Variants in SLC20A2 observed in about 807,000 individuals in gnomAD.
SLC20A2 encodes sodium-dependent phosphate transporter 2.
In SLC20A2, 30 loss-of-function variants were observed where a neutral mutation model predicts 61.0. That is an observed-to-expected ratio of 0.49 (90% CI 0.37 to 0.67). SLC20A2 has a LOEUF of 0.67. Ranked by LOEUF, SLC20A2 falls within the 30% of genes least tolerant of loss-of-function variation. The pLI is 0.00. For missense variants in SLC20A2, 626 were observed against 866.4 expected (o/e 0.72, Z 3.48); for synonymous variants, 351 against 353.3 (o/e 0.99, Z 0.07).
At chr8:42,455,533 C>T (rs902318998) in intron 5 of SLC20A2, among the ~76,000 whole-genome samples, 2 of 150,836 alleles carry the variant, frequency 1.3e-5, no homozygotes, top group African/African-American at 4.9e-5. Context: ...GGTGGTGGGC[C>T]CCTGTAGTCC....
At chr8:42,533,658 T>TTTTCTTTTC (rs1206910958) in intron 1 of SLC20A2, among the ~76,000 whole-genome samples, 1 of 119,130 alleles carries the variant, frequency 8.4e-6, no homozygotes, top group African/African-American at 3.2e-5. Context: ...ACTGTTCTTT[T>TTTTCTTTTC]TTTTTTTTTT....
At chr8:42,485,882 G>C (rs909382256) in intron 1 of SLC20A2, among the ~76,000 whole-genome samples, 9 of 151,298 alleles carry the variant, frequency 5.9e-5, no homozygotes, top group African/African-American at 2.2e-4. Context: ...GGAGGCGGAG[G>C]TTGCAGTGAG....
intron 1 of SLC20A2, chr8:42,484,879 A>T: frequency 2.5e-6 from 1 of 397,652 alleles, no homozygotes; most frequent in Admixed American, 2.7e-5. Context: ...GCAGCCACTG[A>T]GCATCTCGGC....
upstream of SLC20A2, among the ~76,000 whole-genome samples, chr8:42,505,109 CT>C (rs11295337): frequency 0.94 from 133,626 of 142,748 alleles, 62,592 homozygotes; most frequent in East Asian, 1. Flanking sequence ...CCCCCCCAAC[CT>C]TTTTTTTTTT....
chr8:42,418,984 G>C (rs1051019187), intron 10 of SLC20A2, among the ~76,000 whole-genome samples: 3 of 145,722 alleles, frequency 2.1e-5, no homozygotes, highest in Non-Finnish European at 4.5e-5. Flanking sequence ...ACTCCAACCT[G>C]GGCGACAGAG....
chr8:42,430,672 T>C (rs960047144), intron 8 of SLC20A2, among the ~76,000 whole-genome samples: 3 of 152,174 alleles, frequency 2.0e-5, no homozygotes, highest in African/African-American at 7.2e-5. Flanking sequence ...TCAGATAGGA[T>C]GTTTTTTATG....
At chr8:42,494,229 T>A (rs115441723) in intron 1 of SLC20A2, among the ~76,000 whole-genome samples, 2,180 of 152,294 alleles carry the variant, frequency 0.014, 45 homozygotes, top group African/African-American at 0.049. Flanking sequence ...GGCCCAGTAC[T>A]GCAAAATAAC....
intron 1 of SLC20A2, among the ~76,000 whole-genome samples, chr8:42,476,273 A>C (rs1419488983): frequency 6.6e-6 from 1 of 150,540 alleles, no homozygotes; most frequent in African/African-American, 2.4e-5. Context: ...TATTTTTTTA[A>C]ATTTTATTTT....
intron 1 of SLC20A2, among the ~76,000 whole-genome samples, chr8:42,486,124 T>C (rs1019003106): frequency 2.1e-5 from 3 of 143,840 alleles, no homozygotes; most frequent in Admixed American, 7.0e-5. Context: ...TAATTATCTT[T>C]AGCAGAGCTC....
intron 1 of SLC20A2, among the ~76,000 whole-genome samples, chr8:42,530,050 CTGA>C: frequency 6.6e-6 from 1 of 152,120 alleles, no homozygotes; most frequent in African/African-American, 2.4e-5. Context: ...AAATCACAAT[CTGA>C]TGGACAAGTT....
At chr8:42,418,490 G>A (rs538690447) in intron 10 of SLC20A2, among the ~76,000 whole-genome samples, 3 of 151,712 alleles carry the variant, frequency 2.0e-5, no homozygotes, top group South Asian at 4.2e-4. Flanking sequence ...AGGTTCAAGC[G>A]ATTCTCCTGT....
intron 1 of SLC20A2, among the ~76,000 whole-genome samples, chr8:42,540,197 A>G (rs1813002293): frequency 6.6e-6 from 1 of 152,120 alleles, no homozygotes; most frequent in African/African-American, 2.4e-5. Flanking sequence ...GAGGCTAAGG[A>G]AGGAGAATCG....
At chr8:42,461,145 C>A (rs2131164551) in intron 4 of SLC20A2, among the ~76,000 whole-genome samples, 2 of 152,268 alleles carry the variant, frequency 1.3e-5, no homozygotes, top group Non-Finnish European at 2.9e-5. Flanking sequence ...GAATGAGACT[C>A]AAGTGTGGGA....
chr8:42,499,680 T>G (rs536895223), intron 1 of SLC20A2, among the ~76,000 whole-genome samples: 1 of 152,328 alleles, frequency 6.6e-6, no homozygotes, highest in African/African-American at 2.4e-5. Flanking sequence ...TGATGGTGCC[T>G]TATTAACAAT....
chr8:42,475,501 C>T (rs1034232616), intron 1 of SLC20A2, among the ~76,000 whole-genome samples: 3 of 152,084 alleles, frequency 2.0e-5, no homozygotes, highest in Non-Finnish European at 4.4e-5. Flanking sequence ...CCTCTGCCTC[C>T]TGGGTTCAAG....
intron 5 of SLC20A2, among the ~76,000 whole-genome samples, chr8:42,447,136 G>A (rs1805274100): frequency 2.0e-5 from 3 of 151,528 alleles, no homozygotes; most frequent in Admixed American, 6.6e-5. Flanking sequence ...GAAGCCAGGA[G>A]TTCAAGACCA....
intron 5 of SLC20A2, among the ~76,000 whole-genome samples, chr8:42,453,645 A>T (rs1157890540): frequency 6.6e-6 from 1 of 152,204 alleles, no homozygotes; most frequent in Non-Finnish European, 1.5e-5. Flanking sequence ...TAAGATTTTG[A>T]CTCACTCACT....
intron 2 of SLC20A2, among the ~76,000 whole-genome samples, chr8:42,468,290 T>C (rs920025453): frequency 4.6e-5 from 7 of 152,198 alleles, no homozygotes; most frequent in African/African-American, 1.7e-4. Flanking sequence ...TTGTCCTTCC[T>C]GAAAGCTGCT....
chr8:42,429,551 G>C (rs1245397246), intron 9 of SLC20A2, among the ~76,000 whole-genome samples: 1 of 152,220 alleles, frequency 6.6e-6, no homozygotes, highest in East Asian at 1.9e-4. Flanking sequence ...TTTAACCCCT[G>C]ATGCAGCTGA....
Sources: allele counts gnomAD v4.1 joint callset (sites outside exome capture counted in the v4.1 genomes callset), GRCh38; gene constraint gnomAD v4.1.1; transcripts MANE v1.5; gene names NCBI Gene and HGNC (gene_info 2026-07-23, HGNC 2026-07-21).